Variants in KCNIP4 observed in about 807,000 individuals in gnomAD.
The protein encoded by KCNIP4 is potassium voltage-gated channel interacting protein 4, also known as Kv channel-interacting protein 4.
In KCNIP4, 12 loss-of-function variants were observed where a neutral mutation model predicts 34.0. That is an observed-to-expected ratio of 0.35 (90% CI 0.23 to 0.57). The LOEUF is 0.57. Among genes scored for constraint, KCNIP4 ranks in the 20% least tolerant of loss-of-function variants. KCNIP4 has a pLI of 0.83. For missense variants in KCNIP4, 238 were observed against 311.7 expected, an observed-to-expected ratio of 0.76 and a Z score of 1.78; for synonymous variants, 124 against 102.2, an observed-to-expected ratio of 1.21 and a Z score of -1.29.
At chr4:21,911,221 G>A (rs1157427995) in intron 1 of KCNIP4, among the ~76,000 whole-genome samples, 1 of 152,032 alleles carries the variant, frequency 6.6e-6, no homozygotes, top group Admixed American at 6.6e-5. Flanking sequence ...AAGATGGAAG[G>A]TTTATAAAAA....
intron 1 of KCNIP4, among the ~76,000 whole-genome samples, chr4:21,191,164 G>T (rs1755618447): frequency 6.6e-6 from 1 of 152,106 alleles, no homozygotes; most frequent in Non-Finnish European, 1.5e-5. Flanking sequence ...TCTCAACAAA[G>T]GTAGAATTTG....
chr4:21,352,885 C>T (rs1200100852), intron 1 of KCNIP4, among the ~76,000 whole-genome samples: 1 of 152,182 alleles, frequency 6.6e-6, no homozygotes, highest in Non-Finnish European at 1.5e-5. Flanking sequence ...CTGACAGACA[C>T]TTCATACAGG....
chr4:21,094,134 TAA>T (rs1229785017), intron 1 of KCNIP4, among the ~76,000 whole-genome samples: 2 of 152,052 alleles, frequency 1.3e-5, no homozygotes, highest in Non-Finnish European at 2.9e-5. Context: ...CTATACCTTA[TAA>T]AACATTGTAA....
intron 1 of KCNIP4, among the ~76,000 whole-genome samples, chr4:21,402,443 T>C (rs1473376565): frequency 6.6e-6 from 1 of 152,202 alleles, no homozygotes; most frequent in Non-Finnish European, 1.5e-5. Flanking sequence ...TGGACTTCTG[T>C]TCATAGAGAA....
At chr4:21,174,036 A>T (rs1704307047) in intron 1 of KCNIP4, among the ~76,000 whole-genome samples, 1 of 152,116 alleles carries the variant, frequency 6.6e-6, no homozygotes, top group South Asian at 2.1e-4. Context: ...TGATGTTTTT[A>T]AGTGCTCACG....
At chr4:20,843,404 C>T (rs1281451189) in intron 3 of KCNIP4, among the ~76,000 whole-genome samples, 2 of 152,136 alleles carry the variant, frequency 1.3e-5, no homozygotes, top group Admixed American at 6.5e-5. Context: ...TGTATGATTT[C>T]AAATGTTTAG....
chr4:20,843,677 T>A (rs10003410), intron 3 of KCNIP4, among the ~76,000 whole-genome samples: 1 of 151,556 alleles, frequency 6.6e-6, no homozygotes, highest in Admixed American at 6.6e-5. Context: ...TTTCAGTGAG[T>A]GGAGATCGCG....
intron 1 of KCNIP4, among the ~76,000 whole-genome samples, chr4:21,569,065 A>C (rs1740145776): frequency 1.3e-5 from 2 of 151,848 alleles, no homozygotes; most frequent in African/African-American, 4.8e-5. Flanking sequence ...CCTTGATCTC[A>C]GATTTTGAGC....
At chr4:21,633,775 CAT>C (rs1415796543) in intron 1 of KCNIP4, among the ~76,000 whole-genome samples, 1 of 151,820 alleles carries the variant, frequency 6.6e-6, no homozygotes, top group Non-Finnish European at 1.5e-5. Flanking sequence ...AAATTATTAA[CAT>C]ATTTATTCAT....
chr4:21,887,350 C>CGCAGAAAGA (rs1726836719), intron 1 of KCNIP4, among the ~76,000 whole-genome samples: 1 of 152,154 alleles, frequency 6.6e-6, no homozygotes, highest in Admixed American at 6.6e-5. Flanking sequence ...CTTGGAGGGG[C>CGCAGAAAGA]GCAGAAAGAG....
intron 1 of KCNIP4, among the ~76,000 whole-genome samples, chr4:21,100,460 G>T (rs985140118): frequency 6.6e-6 from 1 of 152,148 alleles, no homozygotes; most frequent in African/African-American, 2.4e-5. Context: ...GACTGAGGTG[G>T]GAGAATCACT....
intron 1 of KCNIP4, among the ~76,000 whole-genome samples, chr4:20,921,739 G>T (rs1279995942): frequency 6.6e-6 from 1 of 152,158 alleles, no homozygotes; most frequent in African/African-American, 2.4e-5. Flanking sequence ...GTATGGTTCT[G>T]CATAGAACAT....
At chr4:21,562,304 G>C (rs1357335636) in intron 1 of KCNIP4, among the ~76,000 whole-genome samples, 1 of 151,942 alleles carries the variant, frequency 6.6e-6, no homozygotes, top group Non-Finnish European at 1.5e-5. Flanking sequence ...AAAGGAGTCA[G>C]AATGAATGCT....
chr4:21,742,584 G>C (rs1716488689), intron 1 of KCNIP4, among the ~76,000 whole-genome samples: 1 of 152,210 alleles, frequency 6.6e-6, no homozygotes, highest in Non-Finnish European at 1.5e-5. Flanking sequence ...AAAAGATGGA[G>C]TTACTAAAAC....
At chr4:20,804,575 T>TCTC (rs1714819882) in intron 3 of KCNIP4, among the ~76,000 whole-genome samples, 1 of 41,032 alleles carries the variant, frequency 2.4e-5, no homozygotes, top group African/African-American at 8.6e-5. Context: ...CTTCTCAAAA[T>TCTC]CTTTTTCTCT....
chr4:21,265,991 C>A (rs1761781821), intron 1 of KCNIP4, among the ~76,000 whole-genome samples: 3 of 152,218 alleles, frequency 2.0e-5, no homozygotes, highest in Middle Eastern at 3.2e-3. Context: ...TAGCAATTTA[C>A]ATATATTATC....
chr4:21,327,272 G>A (rs1176701697), intron 1 of KCNIP4, among the ~76,000 whole-genome samples: 1 of 151,926 alleles, frequency 6.6e-6, no homozygotes, highest in Non-Finnish European at 1.5e-5. Context: ...TTGTTTTTCT[G>A]GGAAGGTCTC....
intron 1 of KCNIP4, among the ~76,000 whole-genome samples, chr4:21,022,453 A>G (rs1428003124): frequency 1.3e-5 from 2 of 152,216 alleles, no homozygotes; most frequent in East Asian, 3.8e-4. Context: ...TATTATAGCC[A>G]GGGGTGGCGG....
intron 1 of KCNIP4, among the ~76,000 whole-genome samples, chr4:21,115,968 T>C (rs1212276191): frequency 6.6e-6 from 1 of 152,214 alleles, no homozygotes; most frequent in African/African-American, 2.4e-5. Context: ...CATAAAGTCA[T>C]TTAGAACTAC....
Sources: gnomAD v4.1 joint callset for allele counts (sites outside exome capture counted in the v4.1 genomes callset) on GRCh38, gnomAD v4.1.1 for gene constraint, MANE v1.5 for transcripts, NCBI Gene and HGNC (gene_info 2026-07-23, HGNC 2026-07-21) for gene names.